Variants in CIROP observed in about 807,000 individuals in gnomAD.
CIROP encodes the protein leishmanolysin homolog.
At chr14:23,099,771 CTCA>C in the CIROP span, 1 of 244,132 alleles carries the variant, frequency 4.1e-6, no homozygotes, top group East Asian at 8.2e-5. Flanking sequence ...GAAGCCCCGC[CTCA>C]TCCAAGCATT....
chr14:23,102,509 C>A, the CIROP span: 1 of 698,670 alleles, frequency 1.4e-6, no homozygotes, highest in South Asian at 1.5e-5. Flanking sequence ...GGGAAGAAGG[C>A]AGTACGAGGA....
chr14:23,103,935 C>A, the CIROP span: 1 of 603,650 alleles, frequency 1.7e-6, no homozygotes. Flanking sequence ...AGGCAGCTGG[C>A]TAGAATAGAG....
chr14:23,103,074 T>G, the CIROP span: 1 of 488,678 alleles, frequency 2.0e-6, no homozygotes, highest in Non-Finnish European at 3.6e-6. Context: ...CAGGACAGGG[T>G]AGGGCCAGAA....
At chr14:23,102,876 C>T in the CIROP span, 27 of 614,070 alleles carry the variant, frequency 4.4e-5, no homozygotes, top group South Asian at 4.8e-4. Flanking sequence ...TAACCTGGCC[C>T]CCTACCCTGC....
chr14:23,099,742 C>G, the CIROP span: 2 of 284,256 alleles, frequency 7.0e-6, no homozygotes, highest in African/African-American at 4.4e-5. Context: ...GGGGCTTTAC[C>G]CTTAAAGATA....
the CIROP span, chr14:23,101,993 C>A: frequency 1.4e-6 from 1 of 701,100 alleles, no homozygotes; most frequent in Non-Finnish European, 2.6e-6. Context: ...CTCACAGCTT[C>A]GATTATACAT....
chr14:23,101,924 T>A, the CIROP span: 17 of 701,808 alleles, frequency 2.4e-5, no homozygotes, highest in South Asian at 2.4e-4. Flanking sequence ...GCTTGACAGA[T>A]GAGAAGGAAA....
chr14:23,102,407 G>C, the CIROP span: 1 of 702,998 alleles, frequency 1.4e-6, no homozygotes, highest in East Asian at 2.7e-5. Flanking sequence ...CCAGGCTGAG[G>C]CTAACAGCTG....
the CIROP span, chr14:23,100,307 G>T: frequency 7.4e-6 from 3 of 403,270 alleles, no homozygotes; most frequent in African/African-American, 4.1e-5. Flanking sequence ...CTATGTCCTA[G>T]AGATGGGGGA....
the CIROP span, chr14:23,099,166 C>T: frequency 1.2e-4 from 50 of 411,656 alleles, no homozygotes; most frequent in Non-Finnish European, 1.9e-4. Context: ...TATTGACAAC[C>T]GGGGAAAGAG....
chr14:23,104,484 T>C, the CIROP span: 18 of 702,928 alleles, frequency 2.6e-5, no homozygotes, highest in Middle Eastern at 2.3e-4. Flanking sequence ...AGGGACTTGA[T>C]AAGAAGTCAG....
the CIROP span, chr14:23,102,903 C>CT: frequency 4.9e-6 from 3 of 607,792 alleles, no homozygotes; most frequent in Non-Finnish European, 8.8e-6. Context: ...TTTGCTTCTC[C>CT]CTATTCATCA....
the CIROP span, chr14:23,103,282 C>T: frequency 7.5e-6 from 3 of 399,184 alleles, no homozygotes; most frequent in East Asian, 3.8e-5. Context: ...GGCATGGTGG[C>T]TCACGCCTGT....
At chr14:23,102,789 C>A in the CIROP span, 1 of 694,826 alleles carries the variant, frequency 1.4e-6, no homozygotes, top group Non-Finnish European at 2.6e-6. Flanking sequence ...ACCCCTCTGC[C>A]CAATCAGCTC....
chr14:23,104,623 G>A, the CIROP span: 1 of 702,548 alleles, frequency 1.4e-6, no homozygotes, highest in South Asian at 1.5e-5. Context: ...TGGATTCGCT[G>A]AGTGGCCTCT....
the CIROP span, chr14:23,102,471 G>A: frequency 2.8e-6 from 2 of 702,206 alleles, no homozygotes; most frequent in Non-Finnish European, 2.6e-6. Flanking sequence ...TAGTTGCCTT[G>A]TAGAACAGTT....
the CIROP span, chr14:23,104,808 G>C: frequency 7.1e-6 from 5 of 702,896 alleles, no homozygotes; most frequent in Non-Finnish European, 1.3e-5. Context: ...TTGGGAGAAA[G>C]GGGGCCTGAG....
the CIROP span, chr14:23,102,327 G>T: frequency 1.4e-6 from 1 of 702,200 alleles, no homozygotes; most frequent in Admixed American, 2.0e-5. Context: ...ATCACCCCAA[G>T]GTGTTCTCAT....
chr14:23,104,710 C>G, the CIROP span: 160 of 703,002 alleles, frequency 2.3e-4, no homozygotes, highest in African/African-American at 2.5e-3. Flanking sequence ...GATATATGAT[C>G]TCCTAGATAG....
Sources: allele counts gnomAD v4.1 joint callset, GRCh38; gene constraint gnomAD v4.1.1; transcripts MANE v1.5; gene names NCBI Gene and HGNC (gene_info 2026-07-23, HGNC 2026-07-21).